Variants in ADCY5 observed in about 807,000 individuals in gnomAD.
ADCY5 encodes the protein adenylate cyclase 5, also known as adenylate cyclase type 5.
ADCY5 carries 30 observed loss-of-function variants against 119.7 expected under a neutral mutation model. That is an observed-to-expected ratio of 0.25 (90% CI 0.19 to 0.34). The LOEUF (loss-of-function observed/expected upper bound fraction) is 0.34. Ranked by LOEUF, ADCY5 falls within the 10% of genes least tolerant of loss-of-function variation. ADCY5 has a pLI of 1.00. For synonymous variants in ADCY5, 753 were observed against 762.2 expected (o/e 0.99, Z 0.20); for missense variants, 1,324 against 1,775.2 (o/e 0.75, Z 4.57).
intron 9 of ADCY5, among the ~76,000 whole-genome samples, chr3:123,320,454 G>A (rs975311087): frequency 1.3e-5 from 2 of 152,242 alleles, no homozygotes; most frequent in East Asian, 3.9e-4. Flanking sequence ...AGTGTGTAAG[G>A]TCTGCACTTT....
intron 1 of ADCY5, among the ~76,000 whole-genome samples, chr3:123,408,952 G>C (rs548148430): frequency 1.2e-3 from 181 of 152,258 alleles, no homozygotes; most frequent in Non-Finnish European, 1.8e-3. Flanking sequence ...TCCAGCCTGG[G>C]CAACAGAGTG....
chr3:123,355,364 G>C (rs1470596810), intron 1 of ADCY5, among the ~76,000 whole-genome samples: 1 of 152,082 alleles, frequency 6.6e-6, no homozygotes, highest in East Asian at 1.9e-4. Context: ...GTATCTACAG[G>C]TTTTGCATCT....
chr3:123,303,260 C>A, intron 13 of ADCY5, 41 bp from the exon 14 acceptor site: 1 of 1,594,794 alleles, frequency 6.3e-7, no homozygotes, highest in Non-Finnish European at 8.6e-7. Context: ...GGGTAAGCTG[C>A]TGGGGGACAG....
intron 1 of ADCY5, among the ~76,000 whole-genome samples, chr3:123,438,476 T>A (rs1945664014): frequency 6.6e-6 from 1 of 152,108 alleles, no homozygotes; most frequent in African/African-American, 2.4e-5. Flanking sequence ...ATTTCTAACT[T>A]TTAAACCGTG....
chr3:123,318,009 G>C lies in ADCY5; in HGVS notation c.2354+11C>G, dbSNP rs1474419578. 6.2e-7 allele frequency: 1 copy of C among 1,610,430 alleles called. No individual in the cohort carries two copies. Among genetic ancestry groups the C allele is most frequent in the Non-Finnish European group, 8.5e-7 (1 of 1,177,168 alleles). ...CAGAGGAAGGAGCCCAAGAGGGACG[G>C]GGATACTCACTGGGGCACGATGGTG... is the stretch of plus-strand genomic sequence containing the variant. On this transcript the variant is annotated intron_variant, in intron 11 of 20. Coordinates refer to ENST00000462833, the MANE Select transcript of ADCY5 (RefSeq NM_183357.3).
intron 1 of ADCY5, among the ~76,000 whole-genome samples, chr3:123,443,045 G>A (rs1456115): frequency 0.037 from 5,613 of 152,100 alleles, 436 homozygotes; most frequent in East Asian, 0.35. Flanking sequence ...GACAATACCC[G>A]GGCCTGTGGG....
chr3:123,435,849 C>CTTTTTT (rs201159588), intron 1 of ADCY5, among the ~76,000 whole-genome samples: 4 of 135,018 alleles, frequency 3.0e-5, no homozygotes, highest in African/African-American at 1.1e-4. Context: ...GGCAAGAGCC[C>CTTTTTT]TTTTATTATT....
chr3:123,392,854 CT>C (rs11317143), intron 1 of ADCY5, among the ~76,000 whole-genome samples: 125,726 of 151,992 alleles, frequency 0.83, 52,079 homozygotes, highest in Non-Finnish European at 0.86. Context: ...AGGACAGTCA[CT>C]TTTTTTTGTG....
intron 1 of ADCY5, among the ~76,000 whole-genome samples, chr3:123,353,531 T>G (rs1942924149): frequency 6.6e-6 from 1 of 152,176 alleles, no homozygotes; most frequent in Non-Finnish European, 1.5e-5. Flanking sequence ...GTGGGGGCTT[T>G]GAGCTGCACC....
chr3:123,310,586 T>C (rs1940512719), intron 12 of ADCY5, among the ~76,000 whole-genome samples: 1 of 152,100 alleles, frequency 6.6e-6, no homozygotes, highest in Admixed American at 6.6e-5. Flanking sequence ...GGACAACGTG[T>C]GATGGTGAGC....
At chr3:123,330,203 C>T (rs954464436) in intron 5 of ADCY5, among the ~76,000 whole-genome samples, 1 of 152,226 alleles carries the variant, frequency 6.6e-6, no homozygotes, top group African/African-American at 2.4e-5. Context: ...TCCTGGCAGC[C>T]ACTCCCGCCT....
intron 3 of ADCY5, among the ~76,000 whole-genome samples, chr3:123,336,916 C>A (rs1451518397): frequency 1.3e-5 from 2 of 152,156 alleles, no homozygotes. Flanking sequence ...CTGGAGAGGC[C>A]CCCTACCCCC....
chr3:123,417,042 A>G (rs537362734), intron 1 of ADCY5, among the ~76,000 whole-genome samples: 353 of 152,242 alleles, frequency 2.3e-3, no homozygotes, highest in Non-Finnish European at 2.9e-3. Context: ...AACTGTGAGA[A>G]AATACATTTC....
intron 1 of ADCY5, among the ~76,000 whole-genome samples, chr3:123,375,270 G>A (rs1223833577): frequency 1.3e-5 from 2 of 152,232 alleles, no homozygotes; most frequent in Non-Finnish European, 2.9e-5. Flanking sequence ...TCAAGAACCT[G>A]CAGATATAAA....
intron 3 of ADCY5, among the ~76,000 whole-genome samples, chr3:123,345,127 C>A (rs546925457): frequency 2.6e-5 from 4 of 152,206 alleles, no homozygotes; most frequent in African/African-American, 4.8e-5. Context: ...GGAGTCACCC[C>A]AAGGGCAGTC....
intron 14 of ADCY5, among the ~76,000 whole-genome samples, chr3:123,301,631 G>T (rs1403435019): frequency 1.3e-5 from 2 of 152,290 alleles, no homozygotes; most frequent in Admixed American, 1.3e-4. Flanking sequence ...CTGAAGGCTG[G>T]CACCAAGCCT....
At chr3:123,341,513 C>T (rs184580863) in intron 3 of ADCY5, among the ~76,000 whole-genome samples, 69 of 151,660 alleles carry the variant, frequency 4.5e-4, no homozygotes, top group Admixed American at 1.3e-3. Context: ...ATGGGTATAC[C>T]GTTTCAGCTT....
At chr3:123,360,773 G>C (rs1028148437) in intron 1 of ADCY5, among the ~76,000 whole-genome samples, 3 of 152,166 alleles carry the variant, frequency 2.0e-5, no homozygotes, top group Non-Finnish European at 4.4e-5. Flanking sequence ...AAATAGACTA[G>C]AATGTGAAGA....
intron 3 of ADCY5, 66 bp from the exon 4 acceptor site, chr3:123,332,741 C>T (rs1047648251): frequency 4.7e-6 from 5 of 1,054,652 alleles, no homozygotes; most frequent in Non-Finnish European, 7.2e-6. Context: ...CAAATTCATA[C>T]ATTACATCTT....
Sources: allele counts gnomAD v4.1 joint callset (sites outside exome capture counted in the v4.1 genomes callset), GRCh38; gene constraint gnomAD v4.1.1; transcripts MANE v1.5; gene names NCBI Gene and HGNC (gene_info 2026-07-23, HGNC 2026-07-21).